SLC35F1: variants seen among roughly 807,000 people sequenced by gnomAD.
SLC35F1 encodes chromosome 6 open reading frame 169.
Under a neutral mutation model 48.7 loss-of-function variants are expected in SLC35F1, and 14 were observed. The observed-to-expected ratio is 0.29, with a 90% CI of 0.19 to 0.45. The LOEUF (loss-of-function observed/expected upper bound fraction) is 0.45, where lower values mean the gene tolerates loss of function less well. Among genes scored for constraint, SLC35F1 ranks in the 20% least tolerant of loss-of-function variants. The probability of loss-of-function intolerance (pLI) is 1.00; values close to 1 mark genes in which losing one functional copy is unlikely to be tolerated. For synonymous variants in SLC35F1, 190 were observed against 202.2 expected, an observed-to-expected ratio of 0.94 and a Z score of 0.51; for missense variants, 404 against 500.0, an observed-to-expected ratio of 0.81 and a Z score of 1.83.
chr6:118,014,406 A>T (rs1397257176), intron 1 of SLC35F1, among the ~76,000 whole-genome samples: 1 of 152,218 alleles, frequency 6.6e-6, no homozygotes, highest in African/African-American at 2.4e-5. Flanking sequence ...CATGGTTAAG[A>T]AATCCACAAA....
intron 1 of SLC35F1, among the ~76,000 whole-genome samples, chr6:118,000,039 A>T (rs1777066719): frequency 6.6e-6 from 1 of 151,602 alleles, no homozygotes. Context: ...AACTGGTACC[A>T]TTCCTTCTGA....
chr6:117,992,244 T>C (rs1776928562), intron 1 of SLC35F1, among the ~76,000 whole-genome samples: 1 of 152,196 alleles, frequency 6.6e-6, no homozygotes. Context: ...TATTATTTAC[T>C]TTCATTTATG....
At chr6:118,125,220 T>C (rs1773606455) in intron 1 of SLC35F1, among the ~76,000 whole-genome samples, 1 of 152,184 alleles carries the variant, frequency 6.6e-6, no homozygotes, top group African/African-American at 2.4e-5. Flanking sequence ...TTCAGACTAC[T>C]GATTCAAAAC....
chr6:118,248,323 T>C (rs886210160), intron 3 of SLC35F1, among the ~76,000 whole-genome samples: 2 of 152,234 alleles, frequency 1.3e-5, no homozygotes, highest in Admixed American at 1.3e-4. Context: ...GTCGATGTTC[T>C]GATCCCTATA....
At chr6:118,038,518 G>A (rs923751299) in intron 1 of SLC35F1, among the ~76,000 whole-genome samples, 63 of 147,428 alleles carry the variant, frequency 4.3e-4, no homozygotes, top group African/African-American at 1.4e-3. Context: ...AGAACATGAG[G>A]TGTCTTTCCA....
chr6:118,134,064 C>G (rs1773756928), intron 1 of SLC35F1, among the ~76,000 whole-genome samples: 1 of 152,216 alleles, frequency 6.6e-6, no homozygotes, highest in Non-Finnish European at 1.5e-5. Flanking sequence ...AATTGAAACA[C>G]AACTCAGTTT....
intron 1 of SLC35F1, among the ~76,000 whole-genome samples, chr6:118,117,723 C>G (rs1391337526): frequency 6.6e-6 from 1 of 152,118 alleles, no homozygotes; most frequent in African/African-American, 2.4e-5. Flanking sequence ...ATTCCTCATG[C>G]CACCTTGCAG....
At chr6:117,943,033 A>G (rs568466586) in intron 1 of SLC35F1, among the ~76,000 whole-genome samples, 160 of 152,286 alleles carry the variant, frequency 1.1e-3, no homozygotes, top group South Asian at 2.7e-3. Flanking sequence ...AACACAGTCA[A>G]TAGTCAAGTG....
chr6:118,019,046 G>A (rs372892992), intron 1 of SLC35F1, among the ~76,000 whole-genome samples: 4 of 152,048 alleles, frequency 2.6e-5, no homozygotes, highest in African/African-American at 7.2e-5. Flanking sequence ...TATTCTTCAC[G>A]TATCTTTTCT....
chr6:118,151,356 A>G (rs897542256), intron 1 of SLC35F1, among the ~76,000 whole-genome samples: 7 of 151,884 alleles, frequency 4.6e-5, no homozygotes, highest in Admixed American at 4.6e-4. Context: ...TCCCTATCCC[A>G]CTCTGATCCC....
intron 2 of SLC35F1, among the ~76,000 whole-genome samples, chr6:118,186,631 G>C (rs1774661003): frequency 6.6e-6 from 1 of 152,132 alleles, no homozygotes. Flanking sequence ...ATACATAGTG[G>C]TTCAACATTC....
intron 6 of SLC35F1, among the ~76,000 whole-genome samples, chr6:118,284,350 A>T (rs910862792): frequency 1.5e-4 from 23 of 150,858 alleles, no homozygotes; most frequent in African/African-American, 4.4e-4. Flanking sequence ...AAAGAGCATT[A>T]TTTTTTTTTT....
chr6:118,102,045 C>T (rs1338169928), intron 1 of SLC35F1, among the ~76,000 whole-genome samples: 2 of 152,170 alleles, frequency 1.3e-5, no homozygotes, highest in Non-Finnish European at 2.9e-5. Flanking sequence ...ACTCACTAAC[C>T]ACAGGGCTGG....
intron 1 of SLC35F1, among the ~76,000 whole-genome samples, chr6:118,041,849 AGTT>A (rs757231359): frequency 1.2e-4 from 18 of 152,076 alleles, no homozygotes; most frequent in Non-Finnish European, 2.6e-4. Flanking sequence ...GGGTTAGAGA[AGTT>A]GTCATGCTTG....
intron 1 of SLC35F1, among the ~76,000 whole-genome samples, chr6:117,966,131 G>GCCCCCCCCCCCCCCCCCCCCCCCC (rs35420310): frequency 9.9e-6 from 1 of 101,164 alleles, no homozygotes; most frequent in Non-Finnish European, 2.0e-5. Flanking sequence ...GCAGGCCACC[G>GCCCCCCCCCCCCCCCCCCCCCCCC]CCCCCCCCCC....
intron 1 of SLC35F1, among the ~76,000 whole-genome samples, chr6:117,958,526 C>T (rs1283544997): frequency 6.6e-6 from 1 of 152,110 alleles, no homozygotes; most frequent in Non-Finnish European, 1.5e-5. Context: ...GTCTTTTATA[C>T]CATATTTTTT....
chr6:118,133,106 A>G (rs1773741257), intron 1 of SLC35F1, among the ~76,000 whole-genome samples: 1 of 152,178 alleles, frequency 6.6e-6, no homozygotes, highest in Non-Finnish European at 1.5e-5. Flanking sequence ...CAAGAGTTAT[A>G]TGGTGTATCT....
At chr6:118,214,211 A>G (rs1472904991) in intron 2 of SLC35F1, among the ~76,000 whole-genome samples, 1 of 152,194 alleles carries the variant, frequency 6.6e-6, no homozygotes, top group Non-Finnish European at 1.5e-5. Context: ...AAATGGTCCT[A>G]TCTTCAAATA....
At chr6:118,306,637 G>A (rs541450726) in intron 7 of SLC35F1, among the ~76,000 whole-genome samples, 7 of 152,308 alleles carry the variant, frequency 4.6e-5, no homozygotes, top group Admixed American at 4.6e-4. Flanking sequence ...ACATAAATGA[G>A]CCATTGAATG....
Sources: allele counts gnomAD v4.1 joint callset (sites outside exome capture counted in the v4.1 genomes callset), GRCh38; gene constraint gnomAD v4.1.1; transcripts MANE v1.5; gene names NCBI Gene and HGNC (gene_info 2026-07-23, HGNC 2026-07-21).